Variants in ZNF438 observed in about 807,000 individuals in gnomAD.
The protein encoded by ZNF438 is zinc finger protein 438.
Under a neutral mutation model 38.0 loss-of-function variants are expected in ZNF438, and 25 were observed. The ratio of observed to expected loss-of-function variants is 0.66; its 90% CI spans 0.48 to 0.92. The LOEUF (loss-of-function observed/expected upper bound fraction) is 0.92, where lower values mean the gene tolerates loss of function less well. Among genes scored for constraint, ZNF438 ranks in the 40% least tolerant of loss-of-function variants. The pLI is 0.00. For synonymous variants in ZNF438, 372 were observed against 364.1 expected (o/e 1.02, Z -0.25); for missense variants, 1,007 against 999.6 (o/e 1.01, Z -0.10).
intron 4 of ZNF438, among the ~76,000 whole-genome samples, chr10:30,858,148 A>G (rs2034992637): frequency 6.6e-6 from 1 of 152,262 alleles, no homozygotes; most frequent in African/African-American, 2.4e-5. Flanking sequence ...GGCCCCCTGG[A>G]TCCAGGCTCA....
At chr10:30,876,956 T>C (rs759253996) in intron 4 of ZNF438, 42 bp downstream of exon 5, 8 of 1,536,116 alleles carry the variant, frequency 5.2e-6, no homozygotes, top group Non-Finnish European at 6.2e-6. Context: ...AAATTAAAAC[T>C]ATAACAGACT....
In ZNF438 at chr10:30,914,024, T is replaced by C. The variant is rs373250722; in HGVS notation, c.-114-5009A>G. On this transcript the variant is annotated intron_variant, in intron 2 of 5. Coordinates refer to ENST00000413025, the Ensembl canonical transcript of ZNF438. ...CCTAAACACGTTTTAAACTGATATTTTGCATTATTGCTTCACATTTTATGT... is the reference window on the plus strand; with the variant it reads ...CCTAAACACGTTTTAAACTGATATTCTGCATTATTGCTTCACATTTTATGT... Among the ~76,000 whole-genome samples, 56 of 152,276 alleles carry C rather than the reference T, an allele frequency of 3.7e-4. 1 individual carries two copies. In the South Asian group the frequency reaches 0.011, roughly 30 times the overall value.
intron 4 of ZNF438, among the ~76,000 whole-genome samples, chr10:30,852,260 G>A (rs2033797192): frequency 6.7e-6 from 1 of 150,278 alleles, no homozygotes; most frequent in Non-Finnish European, 1.5e-5. Context: ...GCTTAGGTGA[G>A]TGCAATGGTG....
chr10:30,993,216 G>A (rs2053684718), intron 1 of ZNF438, among the ~76,000 whole-genome samples: 1 of 152,204 alleles, frequency 6.6e-6, no homozygotes, highest in East Asian at 1.9e-4. Context: ...AGGACAATTA[G>A]AGAAAGACTC....
In ZNF438 at chr10:30,845,013, T is replaced by A. The variant is rs763325867; in HGVS notation, c.2435A>T (p.Asn812Ile). ...GATCACTCCCTGGTTGGAGACCGTA[T>A]TTAAAATAGCCCACAGTTTGGAAGG... Residue 812 changes from asparagine (N) to isoleucine (I), a missense_variant, in exon 6 of 6, where the codon AAT (asparagine) becomes ATT (isoleucine). Transcript: ENST00000413025. 6.8e-6 allele frequency: 11 copies of A among 1,614,052 alleles called. No individual in the cohort carries two copies. The Admixed American group carries it at 1.8e-4, about 27-fold the overall frequency.
intron 2 of ZNF438, among the ~76,000 whole-genome samples, chr10:30,911,623 C>T (rs1018029216): frequency 6.6e-6 from 1 of 152,082 alleles, no homozygotes; most frequent in African/African-American, 2.4e-5. Flanking sequence ...GCTCAGAAAA[C>T]GATGTTTGTG....
chr10:30,857,243 C>G (rs1033307600), intron 4 of ZNF438, among the ~76,000 whole-genome samples: 1 of 149,120 alleles, frequency 6.7e-6, no homozygotes, highest in Non-Finnish European at 1.5e-5. Context: ...AATGGCTTGT[C>G]ATATTCTAAA....
intron 3 of ZNF438, among the ~76,000 whole-genome samples, chr10:30,903,019 C>T (rs1388894981): frequency 6.6e-6 from 1 of 152,130 alleles, no homozygotes; most frequent in Non-Finnish European, 1.5e-5. Context: ...CGGATGCACC[C>T]TCCGCAGCTG....
intron 1 of ZNF438, among the ~76,000 whole-genome samples, chr10:30,964,402 C>A (rs190529667): frequency 6.6e-6 from 1 of 152,170 alleles, no homozygotes; most frequent in African/African-American, 2.4e-5. Flanking sequence ...ATTTAACATA[C>A]TTTAGGTTGC....
exon 5 of ZNF438, chr10:30,849,820 G>C: frequency 6.2e-7 from 1 of 1,614,148 alleles, no homozygotes; most frequent in African/African-American, 1.3e-5. Flanking sequence ...CACTTCCATT[G>C]GTCAGCGCAG....
At chr10:30,980,776 T>A (rs2052038225) in intron 1 of ZNF438, among the ~76,000 whole-genome samples, 1 of 152,172 alleles carries the variant, frequency 6.6e-6, no homozygotes. Context: ...AAATGTCAAC[T>A]TTTAGAGACC....
intron 2 of ZNF438, among the ~76,000 whole-genome samples, chr10:30,926,433 C>G (rs1338607260): frequency 6.6e-6 from 1 of 152,090 alleles, no homozygotes; most frequent in South Asian, 2.1e-4. Context: ...TTTGGGAGGC[C>G]GAGGCGAGTG....
intron 1 of ZNF438, among the ~76,000 whole-genome samples, chr10:30,984,896 A>G (rs1239167437): frequency 6.6e-6 from 1 of 152,086 alleles, no homozygotes; most frequent in East Asian, 1.9e-4. Flanking sequence ...ATTTACGGCC[A>G]TTGTCCCAGT....
chr10:30,888,362 A>ACACACACAC (rs1564574714), intron 3 of ZNF438, among the ~76,000 whole-genome samples: 7 of 36,544 alleles, frequency 1.9e-4, no homozygotes, highest in African/African-American at 5.2e-4. Flanking sequence ...CACACACACA[A>ACACACACAC]ACACACACAT....
At chr10:30,873,948 CAT>C (rs2037903578) in intron 4 of ZNF438, among the ~76,000 whole-genome samples, 1 of 151,804 alleles carries the variant, frequency 6.6e-6, no homozygotes, top group Non-Finnish European at 1.5e-5. Flanking sequence ...TCAAAGGTAT[CAT>C]AATTTATAGC....
At chr10:31,008,417 C>T (rs1210467417) in intron 1 of ZNF438, among the ~76,000 whole-genome samples, 1 of 152,094 alleles carries the variant, frequency 6.6e-6, no homozygotes, top group Non-Finnish European at 1.5e-5. Context: ...AATGAAACTC[C>T]CTATCCATTA....
At chr10:30,912,153 A>G (rs1394934920) in intron 2 of ZNF438, among the ~76,000 whole-genome samples, 1 of 152,016 alleles carries the variant, frequency 6.6e-6, no homozygotes, top group African/African-American at 2.4e-5. Context: ...TCCTGCTTCA[A>G]ATAAACTTCT....
At chr10:30,992,397 T>C (rs1255994434) in intron 1 of ZNF438, among the ~76,000 whole-genome samples, 2 of 149,148 alleles carry the variant, frequency 1.3e-5, no homozygotes, top group African/African-American at 5.0e-5. Flanking sequence ...TGAAGATGAC[T>C]AGAGAAACTC....
rs71527619 is a variant in ZNF438, at chr10:30,904,016, TA to T, written c.-32+4916del. The stretch of plus-strand genomic sequence containing the variant: ...AATTGAAAACAATTCATGCCACAGT[TA>T]AAAAAAAAAAAAAGACACAGGAGAC... On this transcript the variant is annotated intron_variant, in intron 3 of 5. Transcript: ENST00000413025. 7.8e-3 allele frequency among the ~76,000 whole-genome samples: 1,116 copies of T among 142,954 alleles called. 17 individuals are homozygous for T. Among genetic ancestry groups the T allele is most frequent in the East Asian group, 0.042 (202 of 4,860 alleles). The allele number at this position is 142,954 out of a possible 152,430, so 93.8% of individuals were successfully genotyped here.
Sources: gnomAD v4.1 joint callset for allele counts (sites outside exome capture counted in the v4.1 genomes callset) on GRCh38, gnomAD v4.1.1 for gene constraint, MANE v1.5 for transcripts, NCBI Gene and HGNC (gene_info 2026-07-23, HGNC 2026-07-21) for gene names.